ARHGAP32: variants seen among roughly 807,000 people sequenced by gnomAD.
The protein encoded by ARHGAP32 is Rho GTPase activating protein 32, also known as rho GTPase-activating protein 32.
In ARHGAP32, 51 loss-of-function variants were observed where a neutral mutation model predicts 186.5. The observed-to-expected ratio is 0.27, with a 90% CI of 0.22 to 0.35. The LOEUF (loss-of-function observed/expected upper bound fraction) is 0.35. Among genes scored for constraint, ARHGAP32 ranks in the 10% least tolerant of loss-of-function variants. The probability of loss-of-function intolerance (pLI) is 1.00; values close to 1 mark genes in which losing one functional copy is unlikely to be tolerated. For synonymous variants in ARHGAP32, 950 were observed against 964.3 expected, an observed-to-expected ratio of 0.99 and a Z score of 0.27; for missense variants, 2,186 against 2,623.5, an observed-to-expected ratio of 0.83 and a Z score of 3.64.
At chr11:128,981,778 CT>C in intron 16 of ARHGAP32, 50 bp downstream of exon 16, 1 of 1,360,934 alleles carries the variant, frequency 7.3e-7, no homozygotes, top group Admixed American at 1.9e-5. Context: ...ATGAATCAGC[CT>C]TTTATTTAGG....
intron 8 of ARHGAP32, among the ~76,000 whole-genome samples, chr11:129,064,268 T>C (rs1940614656): frequency 6.6e-6 from 1 of 152,120 alleles, no homozygotes; most frequent in East Asian, 1.9e-4. Flanking sequence ...AAAGGTGAGA[T>C]GCTAAAGATG....
rs1347181701 is a variant in ARHGAP32 at position 128,969,824 on chromosome 11, C to T, written c.5389G>A (p.Asp1797Asn). Residue 1797 changes from aspartate to asparagine, a missense_variant, in exon 23 of 23, where the codon GAC (aspartate) becomes AAC (asparagine). Physicochemically the swap from Asp to Asn is conservative, Grantham distance 23 (BLOSUM62 1). Around this residue, in one of 5 missense-constraint regions of ARHGAP32, gnomAD observed 1,502 missense variants for 1,570.0 expected, o/e 0.96. Coordinates refer to ENST00000682385, the MANE Select transcript of ARHGAP32 (RefSeq NM_001378024.1). This position sits in a 1 kb window ranked among gnomAD's most constrained non-coding sequence, Gnocchi z 4.8. ...TGGATGACATAGATCCCACCCAAGT[C>T]GTCCTGCACCGCCGGGGTCATGTTA... Reference protein sequence around the residue: ...YDNMTPAVQDDLGGIYVIHLR... With the variant: ...YDNMTPAVQDNLGGIYVIHLR... 4 of 1,614,180 alleles carry T rather than the reference C, an allele frequency of 2.5e-6. No homozygotes were observed. Among genetic ancestry groups the T allele is most frequent in the East Asian group, 2.2e-5 (1 of 44,890 alleles).
At chr11:129,204,306 T>C (rs140883093) in intron 1 of ARHGAP32, among the ~76,000 whole-genome samples, 88 of 152,144 alleles carry the variant, frequency 5.8e-4, no homozygotes, top group African/African-American at 2.1e-3. Flanking sequence ...AAATATAAAT[T>C]GAATGCATAA....
chr11:129,114,608 A>C (rs1214916167), intron 5 of ARHGAP32, among the ~76,000 whole-genome samples: 1 of 152,126 alleles, frequency 6.6e-6, no homozygotes, highest in African/African-American at 2.4e-5. Flanking sequence ...ATGTACAAAG[A>C]CTATACACTA....
intron 1 of ARHGAP32, among the ~76,000 whole-genome samples, chr11:129,230,650 T>C (rs1382925312): frequency 6.6e-6 from 1 of 152,218 alleles, no homozygotes; most frequent in Non-Finnish European, 1.5e-5. Context: ...TTTAAAATAT[T>C]ATTTCTCATG....
At chr11:129,061,230 C>A (rs1354571606) in intron 10 of ARHGAP32, among the ~76,000 whole-genome samples, 1 of 152,042 alleles carries the variant, frequency 6.6e-6, no homozygotes, top group South Asian at 2.1e-4. Context: ...AAACCACAGG[C>A]TATATGTTAA....
At chr11:129,094,093 G>T (rs973968088) in intron 5 of ARHGAP32, among the ~76,000 whole-genome samples, 2 of 152,104 alleles carry the variant, frequency 1.3e-5, no homozygotes, top group East Asian at 3.9e-4. Context: ...ACCATGTAGT[G>T]GGGTGGGGAG....
chr11:129,039,519 G>T (rs1939500650), intron 11 of ARHGAP32, among the ~76,000 whole-genome samples: 1 of 152,122 alleles, frequency 6.6e-6, no homozygotes, highest in South Asian at 2.1e-4. Context: ...GTCCAGAATA[G>T]GGAAATCAAT....
At chr11:129,214,739 G>A (rs1322085894) in intron 1 of ARHGAP32, among the ~76,000 whole-genome samples, 4 of 152,132 alleles carry the variant, frequency 2.6e-5, no homozygotes, top group African/African-American at 7.2e-5. Flanking sequence ...ATTTGCTTAC[G>A]CGTGACTTCA....
chr11:129,095,581 C>T (rs1941707477), intron 5 of ARHGAP32, among the ~76,000 whole-genome samples: 1 of 152,130 alleles, frequency 6.6e-6, no homozygotes, highest in Non-Finnish European at 1.5e-5. Context: ...TGACTGGGAG[C>T]AGGGCAGTGA....
chr11:129,097,951 T>C (rs904019241), intron 5 of ARHGAP32, among the ~76,000 whole-genome samples: 4 of 152,150 alleles, frequency 2.6e-5, no homozygotes, highest in Admixed American at 2.6e-4. Flanking sequence ...CTGCAAGGGA[T>C]CATCAGTAAG....
intron 11 of ARHGAP32, among the ~76,000 whole-genome samples, chr11:128,999,221 C>T (rs1245936105): frequency 6.6e-6 from 1 of 152,172 alleles, no homozygotes; most frequent in Non-Finnish European, 1.5e-5. Context: ...AACATGGCCG[C>T]TCTGGGAGTG....
At chr11:129,139,386 C>T (rs1943002134) in intron 2 of ARHGAP32, among the ~76,000 whole-genome samples, 2 of 152,052 alleles carry the variant, frequency 1.3e-5, no homozygotes, top group African/African-American at 4.8e-5. Flanking sequence ...ATATGCTTCC[C>T]CTGCCCAATC....
intron 1 of ARHGAP32, among the ~76,000 whole-genome samples, chr11:129,235,900 AACACACACACACACAC>A (rs57291313): frequency 2.1e-5 from 3 of 145,660 alleles, no homozygotes; most frequent in Admixed American, 2.0e-4. Flanking sequence ...GTCATTCATA[AACACACACACACACAC>A]ACACACACAC....
At chr11:129,174,348 G>A (rs549079890) in intron 1 of ARHGAP32, among the ~76,000 whole-genome samples, 168 of 152,304 alleles carry the variant, frequency 1.1e-3, no homozygotes, top group Admixed American at 1.7e-3. Flanking sequence ...ACTGCTAGGC[G>A]GCAGCAAGGC....
At chr11:128,988,325 T>C (rs1275869501) in intron 12 of ARHGAP32, among the ~76,000 whole-genome samples, 200 bp from the exon 13 acceptor site, 1 of 152,242 alleles carries the variant, frequency 6.6e-6, no homozygotes, top group Non-Finnish European at 1.5e-5. Context: ...AACTAATTCC[T>C]GAATAATCAA....
chr11:129,144,610 A>T (rs1379708945), intron 2 of ARHGAP32, among the ~76,000 whole-genome samples: 1 of 152,196 alleles, frequency 6.6e-6, no homozygotes. Flanking sequence ...CAGAAACAGG[A>T]ATCAAAGAAG....
In ARHGAP32 at chr11:128,974,172, C is replaced by G. The variant is rs374076901; in HGVS notation, c.3025G>C (p.Val1009Leu). Reference sequence around the variant, plus strand: ...ACAGCCTTACTCTGACTGCTTGAGACAGACTGATCCTCTTTCCCTGGCAAT... The same window carrying G: ...ACAGCCTTACTCTGACTGCTTGAGAGAGACTGATCCTCTTTCCCTGGCAAT... ...VELPGKEDQS[V>L]SSSQSKAVAS... The change falls in exon 21 of 23, where the codon GTC becomes CTC. Residue 1009 changes from valine (V) to leucine (L), a missense_variant. Val to Leu is a conservative substitution (Grantham distance 32). Around this residue, in one of 5 missense-constraint regions of ARHGAP32, gnomAD observed 1,502 missense variants for 1,570.0 expected, o/e 0.96. Coordinates refer to ENST00000682385, the MANE Select transcript of ARHGAP32 (RefSeq NM_001378024.1). The G allele has an allele frequency of 1.2e-6, 2 of 1,614,216 alleles. No individual in the cohort carries two copies. Among genetic ancestry groups the G allele is most frequent in the South Asian group, 2.2e-5 (2 of 91,080 alleles).
intron 5 of ARHGAP32, among the ~76,000 whole-genome samples, chr11:129,099,357 G>A (rs1441706265): frequency 6.6e-6 from 1 of 152,132 alleles, no homozygotes; most frequent in Non-Finnish European, 1.5e-5. Context: ...ATAGTATTCA[G>A]CAGATTAACA....
Sources: allele counts gnomAD v4.1 joint callset (sites outside exome capture counted in the v4.1 genomes callset), GRCh38; gene constraint gnomAD v4.1.1; regional missense constraint gnomAD v4.1.1; non-coding constraint Gnocchi (gnomAD v3.1); transcripts MANE v1.5; gene names NCBI Gene and HGNC (gene_info 2026-07-23, HGNC 2026-07-21).